Variants in TENM3 observed in about 807,000 individuals in gnomAD.
TENM3 encodes the protein teneurin transmembrane protein 3.
TENM3 carries 63 observed loss-of-function variants against 255.1 expected under a neutral mutation model. That is an observed-to-expected ratio of 0.25 (90% CI 0.20 to 0.30). The LOEUF (loss-of-function observed/expected upper bound fraction) is 0.30, where lower values mean the gene tolerates loss of function less well. TENM3 is among the 10% of genes least tolerant of loss of function. The pLI is 1.00. For synonymous variants in TENM3, 1,306 were observed against 1,322.3 expected (o/e 0.99, Z 0.27); for missense variants, 2,929 against 3,461.1 (o/e 0.85, Z 3.86).
chr4:182,540,714 T>G (rs1740789446), intron 3 of TENM3, among the ~76,000 whole-genome samples: 1 of 152,178 alleles, frequency 6.6e-6, no homozygotes. Context: ...TGTCAAGAAC[T>G]GGGCTAGGAA....
chr4:182,655,570 G>A (rs1753681652), intron 6 of TENM3, among the ~76,000 whole-genome samples: 1 of 152,102 alleles, frequency 6.6e-6, no homozygotes, highest in Non-Finnish European at 1.5e-5. Context: ...TCAAATCCTC[G>A]CTCTTTCGCC....
chr4:181,458,297 TTGAG>T, the TENM3 span, among the ~76,000 whole-genome samples: 9 of 151,966 alleles, frequency 5.9e-5, 1 homozygote, highest in Non-Finnish European at 1.2e-4. Context: ...AAACTGATCT[TTGAG>T]TGAGGTTTTT....
At position 182,731,894 on chromosome 4, in the gene TENM3, G is replaced by A. The variant is rs570294705; in HGVS notation, c.2967+755G>A. 2.7e-4 allele frequency among the ~76,000 whole-genome samples: 40 copies of A among 150,898 alleles called. No homozygotes were observed. The East Asian group carries it at 6.5e-3, about 25-fold the overall frequency. On this transcript the variant is annotated intron_variant, in intron 16 of 27. Transcript: ENST00000511685. ...CCTCCCGGGTTCACGCCATTCTCCC[G>A]CCTCAGACTCCTGAGTAGCTGAGAC...
rs552305729 is a variant in TENM3, at chr4:182,569,139, A to AT, written c.512-31784dup. ...TCTTGAGATCGGTGTACTGTACTGT[A>AT]TGTTAATTACACCTCAGTTAAAACA... On this transcript the variant is annotated intron_variant, in intron 3 of 27. Coordinates refer to ENST00000511685, the MANE Select transcript of TENM3 (RefSeq NM_001080477.4). Among the ~76,000 whole-genome samples, 34 of 152,338 alleles carry AT rather than the reference A, an allele frequency of 2.2e-4. 1 individual carries two copies. In the South Asian group the frequency reaches 5.2e-3, roughly 23 times the overall value.
chr4:182,525,573 C>A (rs557138362), intron 3 of TENM3, among the ~76,000 whole-genome samples: 2 of 152,212 alleles, frequency 1.3e-5, no homozygotes, highest in African/African-American at 2.4e-5. Flanking sequence ...ATGTGACTTA[C>A]GAATGTAATG....
At chr4:181,492,254 T>C in the TENM3 span, among the ~76,000 whole-genome samples, 1 of 152,218 alleles carries the variant, frequency 6.6e-6, no homozygotes, top group Non-Finnish European at 1.5e-5. Flanking sequence ...ATTAAGCTTG[T>C]ACACATTTTG....
At chr4:182,058,301 G>A in the TENM3 span, among the ~76,000 whole-genome samples, 1,974 of 152,032 alleles carry the variant, frequency 0.013, 34 homozygotes, top group African/African-American at 0.045. Context: ...GGAGAATCAA[G>A]AGATACCATT....
the TENM3 span, among the ~76,000 whole-genome samples, chr4:181,963,961 T>A: frequency 1.3e-5 from 2 of 152,106 alleles, no homozygotes; most frequent in African/African-American, 4.8e-5. Context: ...ATGGGATGTT[T>A]TATACTTGAT....
At chr4:182,694,901 ATAG>A (rs974694013) in intron 12 of TENM3, among the ~76,000 whole-genome samples, 9 of 152,248 alleles carry the variant, frequency 5.9e-5, no homozygotes, top group African/African-American at 2.2e-4. Flanking sequence ...TGGTGAAAGA[ATAG>A]TACTTTAATT....
intron 3 of TENM3, among the ~76,000 whole-genome samples, chr4:182,452,700 T>G (rs901598710): frequency 4.6e-5 from 7 of 152,218 alleles, no homozygotes; most frequent in Non-Finnish European, 8.8e-5. Flanking sequence ...CCAGAAACAT[T>G]GACTGTTTTA....
chr4:181,466,164 C>T, the TENM3 span, among the ~76,000 whole-genome samples: 369 of 147,764 alleles, frequency 2.5e-3, 2 homozygotes, highest in African/African-American at 9.1e-3. Context: ...GTCCCCCAGG[C>T]TAGAGTGTAA....
the TENM3 span, among the ~76,000 whole-genome samples, chr4:181,920,343 C>G: frequency 6.6e-6 from 1 of 151,858 alleles, no homozygotes; most frequent in South Asian, 2.1e-4. Flanking sequence ...AGTTTACAGT[C>G]CCACCAACAG....
chr4:181,761,412 T>C, the TENM3 span, among the ~76,000 whole-genome samples: 1 of 152,128 alleles, frequency 6.6e-6, no homozygotes, highest in Admixed American at 6.5e-5. Context: ...AGATAAGCAC[T>C]GGTGATTTGC....
chr4:182,648,315 A>AT (rs1752935857), intron 5 of TENM3, among the ~76,000 whole-genome samples: 1 of 148,436 alleles, frequency 6.7e-6, no homozygotes, highest in Non-Finnish European at 1.5e-5. Context: ...ACAGAGTCTC[A>AT]TTTTGTCACC....
chr4:181,713,712 T>C, the TENM3 span, among the ~76,000 whole-genome samples: 2 of 152,154 alleles, frequency 1.3e-5, no homozygotes, highest in Non-Finnish European at 2.9e-5. Context: ...ATCCCTATAC[T>C]TTCTTCTGAC....
the TENM3 span, among the ~76,000 whole-genome samples, chr4:182,012,066 G>T: frequency 6.6e-6 from 1 of 152,140 alleles, no homozygotes; most frequent in South Asian, 2.1e-4. Context: ...GATTATTTCA[G>T]TCCCCAGCCT....
the TENM3 span, among the ~76,000 whole-genome samples, chr4:181,847,756 TATTG>T: frequency 1.3e-5 from 2 of 152,150 alleles, no homozygotes; most frequent in East Asian, 1.9e-4. Context: ...ATGTATCTAA[TATTG>T]ATTAAGAATA....
At chr4:181,596,315 T>G in the TENM3 span, among the ~76,000 whole-genome samples, 1 of 151,960 alleles carries the variant, frequency 6.6e-6, no homozygotes, top group East Asian at 1.9e-4. Flanking sequence ...TCTAGATGTG[T>G]TTTCACAAGC....
rs567141922 is a variant in TENM3 at position 182,410,483 on chromosome 4, G to A, written c.511+63554G>A. On this transcript the variant is annotated intron_variant, in intron 3 of 27. Coordinates refer to ENST00000511685, the MANE Select transcript of TENM3 (RefSeq NM_001080477.4). ...GGCTCACAGTATTTCTCTTTGCAGG[G>A]CCTCGCTAAGGAGTAGCTCTCGGCT... is the stretch of plus-strand genomic sequence containing the variant. Among the ~76,000 whole-genome samples, 8 of 152,314 alleles carry A rather than the reference G, an allele frequency of 5.3e-5. No individual in the cohort carries two copies. In the South Asian group the frequency reaches 1.4e-3, roughly 28 times the overall value.
Sources: allele counts gnomAD v4.1 joint callset (sites outside exome capture counted in the v4.1 genomes callset), GRCh38; gene constraint gnomAD v4.1.1; transcripts MANE v1.5; gene names NCBI Gene and HGNC (gene_info 2026-07-23, HGNC 2026-07-21).